FAM117A: variants seen among roughly 807,000 people sequenced by gnomAD.
FAM117A encodes the protein protein FAM117A.
Under a neutral mutation model 44.1 loss-of-function variants are expected in FAM117A, and 21 were observed. That is an observed-to-expected ratio of 0.48 (90% CI 0.34 to 0.69). The LOEUF is 0.69. FAM117A is among the 30% of genes least tolerant of loss of function. The pLI is 0.01. For synonymous variants in FAM117A, 220 were observed against 238.3 expected, an observed-to-expected ratio of 0.92 and a Z score of 0.71; for missense variants, 498 against 589.9, an observed-to-expected ratio of 0.84 and a Z score of 1.61.
At chr17:49,754,320 T>C (rs2073689167) in intron 1 of FAM117A, among the ~76,000 whole-genome samples, 1 of 151,888 alleles carries the variant, frequency 6.6e-6, no homozygotes. Context: ...TTTTTTTTTT[T>C]TCGAGATGGA....
At chr17:49,722,013 C>T (rs1004908868) in intron 3 of FAM117A, among the ~76,000 whole-genome samples, 12 of 152,028 alleles carry the variant, frequency 7.9e-5, no homozygotes, top group African/African-American at 2.4e-4. Flanking sequence ...GCAGGAGAAT[C>T]GCTTGAACCC....
At chr17:49,777,131 C>G (rs932850818) in intron 1 of FAM117A, among the ~76,000 whole-genome samples, 1 of 152,082 alleles carries the variant, frequency 6.6e-6, no homozygotes, top group African/African-American at 2.4e-5. Context: ...ATGATGGGCA[C>G]CCCTGCCTGC....
At chr17:49,766,187 C>T (rs1598036121), upstream of FAM117A, among the ~76,000 whole-genome samples, 1 of 152,164 alleles carries the variant, frequency 6.6e-6, no homozygotes, top group East Asian at 1.9e-4. Flanking sequence ...CAAGATTACC[C>T]AGGTAGCCTG....
rs1275642482 is a variant in FAM117A at position 49,726,755 on chromosome 17, T to C, written c.367-4161A>G. Among the ~76,000 whole-genome samples, 16 of 151,876 alleles carry C rather than the reference T, an allele frequency of 1.1e-4. 1 individual carries two copies. Among genetic ancestry groups the C allele is most frequent in the Admixed American group, 9.2e-4 (14 of 15,268 alleles). On this transcript the variant is annotated intron_variant, in intron 2 of 7. Transcript: ENST00000240364. ...ACCTTGGGAAGCCAAGGCAGTAGGA[T>C]TGCTTGAGGCCAGGAGTTCAAAACC...
At chr17:49,746,120 C>G (rs2073653504) in intron 1 of FAM117A, among the ~76,000 whole-genome samples, 1 of 152,088 alleles carries the variant, frequency 6.6e-6, no homozygotes, top group South Asian at 2.1e-4. Flanking sequence ...CAAAAAAGTG[C>G]ATATGGATGT....
intron 1 of FAM117A, among the ~76,000 whole-genome samples, chr17:49,746,275 G>A (rs1444832216): frequency 6.6e-6 from 1 of 151,940 alleles, no homozygotes; most frequent in East Asian, 1.9e-4. Flanking sequence ...CTTTTCTGTA[G>A]GTTTGAAATT....
At chr17:49,777,955 A>G (rs2073779537) in intron 1 of FAM117A, among the ~76,000 whole-genome samples, 1 of 152,236 alleles carries the variant, frequency 6.6e-6, no homozygotes. Context: ...GGATAGGGTG[A>G]GACCAATGAC....
At chr17:49,745,498 C>T (rs2073651406) in intron 1 of FAM117A, among the ~76,000 whole-genome samples, 1 of 152,228 alleles carries the variant, frequency 6.6e-6, no homozygotes, top group African/African-American at 2.4e-5. Context: ...CATACCACCT[C>T]AAGTGATCCA....
chr17:49,765,227 A>G (rs1391043462), upstream of FAM117A, among the ~76,000 whole-genome samples: 1 of 152,262 alleles, frequency 6.6e-6, no homozygotes, highest in Non-Finnish European at 1.5e-5. Flanking sequence ...ACATATGGAA[A>G]AAGCAAAAGT....
At chr17:49,786,772 G>A (rs547132628) in intron 1 of FAM117A, among the ~76,000 whole-genome samples, 27 of 130,708 alleles carry the variant, frequency 2.1e-4, no homozygotes, top group South Asian at 7.5e-4. Flanking sequence ...GCAAAACCCT[G>A]TCTCAGAAAA....
rs201767466 is a variant in FAM117A at position 49,732,752 on chromosome 17, A to G, written c.197-32T>C. On this transcript the variant is annotated intron_variant, in intron 1 of 7. Coordinates refer to ENST00000240364, the MANE Select transcript of FAM117A (RefSeq NM_030802.4). ...GAGAACACAGCCCGCACGCCTTGCC[A>G]TCAGCATGGAGGAAGGAGACGTGGC... The G allele has an allele frequency of 4.8e-3, 7,744 of 1,602,094 alleles. 28 individuals carry two copies. The highest frequency in any genetic ancestry group is 6.1e-3 in the Non-Finnish European group (7,136 of 1,174,026).
intron 1 of FAM117A, among the ~76,000 whole-genome samples, chr17:49,779,905 A>G (rs2073784938): frequency 6.6e-6 from 1 of 152,218 alleles, no homozygotes; most frequent in African/African-American, 2.4e-5. Context: ...CTAGGCACAT[A>G]ATACAATGAC....
upstream of FAM117A, chr17:49,764,174 G>T: frequency 1.5e-6 from 1 of 656,104 alleles, no homozygotes; most frequent in Non-Finnish European, 2.2e-6. Flanking sequence ...GCTGTACGGG[G>T]CGGGGACCGG....
chr17:49,755,140 G>C (rs1482142055), intron 1 of FAM117A, among the ~76,000 whole-genome samples: 1 of 151,788 alleles, frequency 6.6e-6, no homozygotes, highest in Non-Finnish European at 1.5e-5. Flanking sequence ...AACAGTGTAA[G>C]TGTCCAGGGC....
intron 1 of FAM117A, among the ~76,000 whole-genome samples, chr17:49,770,319 C>T (rs184553284): frequency 1.3e-4 from 16 of 125,438 alleles, no homozygotes; most frequent in Admixed American, 5.5e-4. Flanking sequence ...TTTTCAGCAA[C>T]AAAAAGGAAC....
At chr17:49,763,319 GA>G (rs1270286616) in intron 1 of FAM117A, among the ~76,000 whole-genome samples, 1 of 152,126 alleles carries the variant, frequency 6.6e-6, no homozygotes, top group Non-Finnish European at 1.5e-5. Flanking sequence ...GGGCTGAGAT[GA>G]AATCAGTTCC....
chr17:49,765,908 A>T (rs1299614620), upstream of FAM117A, among the ~76,000 whole-genome samples: 2 of 152,342 alleles, frequency 1.3e-5, no homozygotes, highest in East Asian at 3.9e-4. Context: ...TTACCATGTT[A>T]CAAGTAGTGA....
chr17:49,770,701 C>T (rs2073758532), intron 1 of FAM117A, among the ~76,000 whole-genome samples: 1 of 152,008 alleles, frequency 6.6e-6, no homozygotes, highest in Non-Finnish European at 1.5e-5. Context: ...TCCAGGAGTT[C>T]AAGACCAGCC....
chr17:49,724,237 A>G (rs550813067), intron 2 of FAM117A, among the ~76,000 whole-genome samples: 134 of 152,078 alleles, frequency 8.8e-4, no homozygotes, highest in African/African-American at 3.1e-3. Flanking sequence ...TCCAGGACCA[A>G]CTCTAAAGAT....
Sources: gnomAD v4.1 joint callset for allele counts (sites outside exome capture counted in the v4.1 genomes callset) on GRCh38, gnomAD v4.1.1 for gene constraint, MANE v1.5 for transcripts, NCBI Gene and HGNC (gene_info 2026-07-23, HGNC 2026-07-21) for gene names.